The following SYNDIG1 variants were observed in gnomAD, a reference collection of about 807,000 sequenced individuals.
The protein encoded by SYNDIG1 is synapse differentiation-inducing gene protein 1.
SYNDIG1 carries 9 observed loss-of-function variants against 19.4 expected under a neutral mutation model. That is an observed-to-expected ratio of 0.46 (90% CI 0.28 to 0.81). The LOEUF (loss-of-function observed/expected upper bound fraction) is 0.81, where lower values mean the gene tolerates loss of function less well. Ranked by LOEUF, SYNDIG1 falls within the 30% of genes least tolerant of loss-of-function variation. The probability of loss-of-function intolerance (pLI) is 0.12; values close to 1 mark genes in which losing one functional copy is unlikely to be tolerated. For synonymous variants in SYNDIG1, 141 were observed against 145.9 expected (o/e 0.97, Z 0.24); for missense variants, 311 against 343.3 (o/e 0.91, Z 0.74).
chr20:24,544,721 C>T (rs909447561), intron 2 of SYNDIG1, among the ~76,000 whole-genome samples: 4 of 152,090 alleles, frequency 2.6e-5, no homozygotes, highest in South Asian at 4.2e-4. Context: ...AGGAGGGGTT[C>T]GTGTTGGCTG....
chr20:24,627,908 G>A (rs775708711), intron 3 of SYNDIG1, among the ~76,000 whole-genome samples: 2 of 152,248 alleles, frequency 1.3e-5, no homozygotes, highest in African/African-American at 2.4e-5. Flanking sequence ...TCCTCGGGCC[G>A]GAGAGCAGCG....
At chr20:24,593,446 T>G (rs189118459) in intron 3 of SYNDIG1, among the ~76,000 whole-genome samples, 17 of 148,068 alleles carry the variant, frequency 1.1e-4, no homozygotes, top group Admixed American at 2.1e-4. Flanking sequence ...AGTCTACCAT[T>G]GATAGGCATT....
At chr20:24,597,461 G>T (rs896848618) in intron 3 of SYNDIG1, among the ~76,000 whole-genome samples, 2 of 152,092 alleles carry the variant, frequency 1.3e-5, no homozygotes, top group Non-Finnish European at 2.9e-5. Flanking sequence ...GGATGCTAAG[G>T]CTGGGAGGGG....
chr20:24,549,776 G>GTT, intron 2 of SYNDIG1, among the ~76,000 whole-genome samples: 1 of 152,298 alleles, frequency 6.6e-6, no homozygotes, highest in East Asian at 1.9e-4. Context: ...TGAATGTGAA[G>GTT]TTTTTTTGAG....
intron 3 of SYNDIG1, among the ~76,000 whole-genome samples, chr20:24,663,887 G>T (rs1456265679): frequency 1.3e-5 from 2 of 152,178 alleles, no homozygotes; most frequent in East Asian, 3.9e-4. Flanking sequence ...GGCAATTACA[G>T]GAAATTGTGT....
intron 2 of SYNDIG1, among the ~76,000 whole-genome samples, chr20:24,579,472 G>A (rs991722113): frequency 6.6e-6 from 1 of 152,182 alleles, no homozygotes; most frequent in African/African-American, 2.4e-5. Context: ...TGAAATATAA[G>A]ATGGAGTCTT....
At chr20:24,553,161 GT>G (rs1437264110) in intron 2 of SYNDIG1, among the ~76,000 whole-genome samples, 2 of 151,590 alleles carry the variant, frequency 1.3e-5, no homozygotes, top group Non-Finnish European at 2.9e-5. Flanking sequence ...GGGGTTGTTT[GT>G]TTTTTTCTTG....
intron 3 of SYNDIG1, among the ~76,000 whole-genome samples, chr20:24,588,608 G>A (rs964596576): frequency 6.6e-5 from 10 of 152,296 alleles, no homozygotes; most frequent in Middle Eastern, 3.4e-3. Flanking sequence ...GCCATCACCC[G>A]GGAGGGGCCG....
At chr20:24,614,298 C>G (rs1177216935) in intron 3 of SYNDIG1, among the ~76,000 whole-genome samples, 2 of 152,220 alleles carry the variant, frequency 1.3e-5, no homozygotes, top group African/African-American at 2.4e-5. Flanking sequence ...GCCACTGCAC[C>G]CAGCCTCACT....
chr20:24,652,935 C>T (rs978487633), intron 3 of SYNDIG1, among the ~76,000 whole-genome samples: 4 of 152,186 alleles, frequency 2.6e-5, no homozygotes, highest in Non-Finnish European at 5.9e-5. Flanking sequence ...AGCTCCTCTG[C>T]CTCCCTATCT....
intron 1 of SYNDIG1, among the ~76,000 whole-genome samples, chr20:24,511,947 C>T (rs1395820870): frequency 6.6e-6 from 1 of 151,730 alleles, no homozygotes; most frequent in South Asian, 2.1e-4. Context: ...ATTATTTTGA[C>T]TCCTGTGTAG....
At chr20:24,573,139 G>A (rs553383428) in intron 2 of SYNDIG1, among the ~76,000 whole-genome samples, 3 of 152,264 alleles carry the variant, frequency 2.0e-5, no homozygotes, top group South Asian at 2.1e-4. Context: ...TTCCTGTGGC[G>A]CAAGTGAGAA....
At chr20:24,479,844 A>G (rs1056005809) in intron 1 of SYNDIG1, among the ~76,000 whole-genome samples, 1 of 152,136 alleles carries the variant, frequency 6.6e-6, no homozygotes, top group Admixed American at 6.5e-5. Flanking sequence ...TGCTTGGGAA[A>G]GATACAAGGC....
At position 24,658,191 on chromosome 20, in the gene SYNDIG1, A is replaced by C. The variant is rs1191292190; in HGVS notation, c.619-7155A>C. Among the ~76,000 whole-genome samples, 14 of 152,204 alleles carry C rather than the reference A, an allele frequency of 9.2e-5. No homozygotes were observed. Among genetic ancestry groups the C allele is most frequent in the Admixed American group, 9.2e-4 (14 of 15,286 alleles). ...GTGGGTATTTTCCAGCCAAAGGACA[A>C]GCAAAAGCTCATTGGAAACTCCATG... is the stretch of plus-strand genomic sequence containing the variant. On this transcript the variant is annotated intron_variant, in intron 3 of 3. Transcript: ENST00000376862. This position sits in a 1 kb window ranked among gnomAD's most constrained non-coding sequence, Gnocchi z 4.4.
intron 1 of SYNDIG1, among the ~76,000 whole-genome samples, chr20:24,539,424 C>T (rs775004939): frequency 1.3e-5 from 2 of 152,166 alleles, no homozygotes; most frequent in Non-Finnish European, 2.9e-5. Flanking sequence ...GGGTTTATTT[C>T]TGGGCTCTCT....
At chr20:24,489,138 G>T (rs982168378) in intron 1 of SYNDIG1, among the ~76,000 whole-genome samples, 1 of 152,114 alleles carries the variant, frequency 6.6e-6, no homozygotes, top group African/African-American at 2.4e-5. Flanking sequence ...CCATCTGTAC[G>T]CATGCACACA....
chr20:24,552,162 T>C (rs1600600653), intron 2 of SYNDIG1, among the ~76,000 whole-genome samples: 1 of 152,218 alleles, frequency 6.6e-6, no homozygotes, highest in Admixed American at 6.5e-5. Context: ...TGTGTACATT[T>C]ATAATTGTTA....
chr20:24,488,565 C>T (rs2056036151), intron 1 of SYNDIG1, among the ~76,000 whole-genome samples: 1 of 152,250 alleles, frequency 6.6e-6, no homozygotes, highest in South Asian at 2.1e-4. Flanking sequence ...TGATGAAGGA[C>T]AGAATTCTTT....
At chr20:24,576,318 A>T (rs915068743) in intron 2 of SYNDIG1, among the ~76,000 whole-genome samples, 2 of 152,242 alleles carry the variant, frequency 1.3e-5, no homozygotes, top group African/African-American at 4.8e-5. Context: ...GAATTCTCAG[A>T]TTTTAGGAAT....
Sources: allele counts gnomAD v4.1 joint callset (sites outside exome capture counted in the v4.1 genomes callset), GRCh38; gene constraint gnomAD v4.1.1; non-coding constraint Gnocchi (gnomAD v3.1); transcripts MANE v1.5; gene names NCBI Gene and HGNC (gene_info 2026-07-23, HGNC 2026-07-21).